ATP6V0D2: variants seen among roughly 807,000 people sequenced by gnomAD.
The protein encoded by ATP6V0D2 is V-type proton ATPase subunit d 2.
In ATP6V0D2, 40 loss-of-function variants were observed where a neutral mutation model predicts 40.0. That is an observed-to-expected ratio of 1.00 (90% CI 0.78 to 1.30). ATP6V0D2 has a LOEUF of 1.30. Ranked by LOEUF, ATP6V0D2 falls within the 50% of genes most tolerant of loss-of-function variation. ATP6V0D2 has a pLI of 0.00. For missense variants in ATP6V0D2, 470 were observed against 423.1 expected, an observed-to-expected ratio of 1.11 and a Z score of -0.97; for synonymous variants, 179 against 156.3, an observed-to-expected ratio of 1.15 and a Z score of -1.08.
intron 2 of ATP6V0D2, among the ~76,000 whole-genome samples, chr8:86,135,928 T>A (rs1357378140): frequency 6.6e-6 from 1 of 152,166 alleles, no homozygotes; most frequent in Non-Finnish European, 1.5e-5. Flanking sequence ...ACAAAGATTA[T>A]AGTCTGGAGA....
chr8:86,150,054 T>A, intron 5 of ATP6V0D2, 58 bp from the exon 6 acceptor site: 1 of 1,477,768 alleles, frequency 6.8e-7, no homozygotes, highest in Non-Finnish European at 9.3e-7. Context: ...CACTTAAGAG[T>A]CTGTTTATAG....
At position 86,113,711 on chromosome 8, in the gene ATP6V0D2, C is replaced by G; in HGVS notation, c.133C>G (p.Leu45Val). 1 of 1,586,620 alleles carries G rather than the reference C, an allele frequency of 6.3e-7. No homozygotes were observed. Among genetic ancestry groups the G allele is most frequent in the Non-Finnish European group, 8.6e-7 (1 of 1,165,130 alleles). The stretch of plus-strand genomic sequence containing the variant: ...ATTGGGGTTTCATTTAATTTCAGAC[C>G]TGAAAATTCATCTCCAGACTACTGA... ...NLVQCETLED[L>V]KIHLQTTDYG... The change falls in exon 2 of 8, where the codon CTG becomes GTG. Residue 45 changes from leucine (L) to valine (V), a missense_variant and splice_region_variant. By Grantham distance (32) the Leu-to-Val change is conservative (BLOSUM62 1). Transcript: ENST00000285393.
At chr8:86,102,077 A>T (rs926422038) in intron 1 of ATP6V0D2, among the ~76,000 whole-genome samples, 1 of 152,228 alleles carries the variant, frequency 6.6e-6, no homozygotes, top group African/African-American at 2.4e-5. Flanking sequence ...TGGAGGATGG[A>T]TAGAGCTATC....
intron 2 of ATP6V0D2, among the ~76,000 whole-genome samples, chr8:86,121,016 C>T (rs1260387798): frequency 6.6e-6 from 1 of 152,130 alleles, no homozygotes; most frequent in Non-Finnish European, 1.5e-5. Flanking sequence ...CTGAGGTGCA[C>T]ATCTGATTTA....
chr8:86,106,597 G>T (rs1182795818), intron 1 of ATP6V0D2, among the ~76,000 whole-genome samples: 1 of 152,128 alleles, frequency 6.6e-6, no homozygotes. Context: ...CTAGACTTTG[G>T]AATTCCTGAA....
chr8:86,136,761 TA>T (rs1255644948), intron 2 of ATP6V0D2, among the ~76,000 whole-genome samples: 1 of 152,108 alleles, frequency 6.6e-6, no homozygotes, highest in Non-Finnish European at 1.5e-5. Context: ...AGGAAGTCTG[TA>T]CCCCATGCAG....
At chr8:86,128,966 C>T (rs1046098195) in intron 2 of ATP6V0D2, among the ~76,000 whole-genome samples, 1 of 152,186 alleles carries the variant, frequency 6.6e-6, no homozygotes, top group Admixed American at 6.5e-5. Context: ...ATGAAGAAAG[C>T]TCAGGCTTAC....
chr8:86,103,746 T>C (rs1466604762), intron 1 of ATP6V0D2, among the ~76,000 whole-genome samples: 1 of 152,184 alleles, frequency 6.6e-6, no homozygotes, highest in Non-Finnish European at 1.5e-5. Flanking sequence ...TTATACACTT[T>C]GTCCAGGAAT....
intron 5 of ATP6V0D2, among the ~76,000 whole-genome samples, chr8:86,145,464 GCC>G (rs957946825): frequency 5.3e-5 from 8 of 151,996 alleles, no homozygotes; most frequent in Non-Finnish European, 1.0e-4. Flanking sequence ...TTAAAATAAA[GCC>G]TAAATAGTTG....
At position 86,151,497 on chromosome 8, in the gene ATP6V0D2, G is replaced by A; in HGVS notation, c.848G>A (p.Gly283Asp). The A allele has an allele frequency of 1.2e-6, 2 of 1,606,962 alleles. No individual in the cohort carries two copies. The highest frequency in any genetic ancestry group is 1.7e-6 in the Non-Finnish European group (2 of 1,176,972). ...VYKPLFEAVGGSGGKTLEDVF... is the reference protein window; with the variant it reads ...VYKPLFEAVGDSGGKTLEDVF... The stretch of plus-strand genomic sequence containing the variant: ...AAACCTTTATTTGAAGCTGTAGGTG[G>A]CAGTGGGGGAAAGACATTGGAGGAC... The change falls in exon 7 of 8, where the codon GGC becomes GAC. Residue 283 changes from glycine to aspartate, a missense_variant. Coordinates refer to ENST00000285393, the MANE Select transcript of ATP6V0D2 (RefSeq NM_152565.1).
At chr8:86,103,618 G>C (rs561322241) in intron 1 of ATP6V0D2, among the ~76,000 whole-genome samples, 1 of 152,164 alleles carries the variant, frequency 6.6e-6, no homozygotes, top group Admixed American at 6.5e-5. Context: ...AGAAAGTAAA[G>C]ATGAACAAGA....
At chr8:86,115,358 ATTTTTTTTTTTT>A (rs564384965) in intron 2 of ATP6V0D2, among the ~76,000 whole-genome samples, 5 of 73,278 alleles carry the variant, frequency 6.8e-5, no homozygotes, top group African/African-American at 2.8e-4. Flanking sequence ...CGTATCATCC[ATTTTTTTTTTTT>A]TTTTTTTTTT....
chr8:86,105,831 G>C (rs1417927950), intron 1 of ATP6V0D2, among the ~76,000 whole-genome samples: 1 of 151,714 alleles, frequency 6.6e-6, no homozygotes, highest in African/African-American at 2.4e-5. Context: ...AGCTTGGATA[G>C]TCTCGATCTC....
chr8:86,106,674 T>C (rs1171791389), intron 1 of ATP6V0D2, among the ~76,000 whole-genome samples: 1 of 152,228 alleles, frequency 6.6e-6, no homozygotes, highest in Admixed American at 6.5e-5. Context: ...GTTTATTCTG[T>C]TCTTCAGAGA....
intron 2 of ATP6V0D2, among the ~76,000 whole-genome samples, chr8:86,123,437 GA>G (rs1563559677): frequency 6.6e-6 from 1 of 152,148 alleles, no homozygotes; most frequent in Non-Finnish European, 1.5e-5. Context: ...TATATCTTAG[GA>G]AGATGATTTT....
At chr8:86,129,995 A>AAAG (rs894815563) in intron 2 of ATP6V0D2, among the ~76,000 whole-genome samples, 6 of 147,374 alleles carry the variant, frequency 4.1e-5, no homozygotes, top group Non-Finnish European at 6.1e-5. Flanking sequence ...AAAAAAAAAA[A>AAAG]AAAGAAAAGA....
chr8:86,100,527 G>T (rs758706705), intron 1 of ATP6V0D2, among the ~76,000 whole-genome samples: 20 of 152,148 alleles, frequency 1.3e-4, no homozygotes, highest in Non-Finnish European at 2.5e-4. Context: ...CCAGAGTTCA[G>T]ACAGAACCAC....
At chr8:86,112,563 G>T (rs1818539365) in intron 1 of ATP6V0D2, among the ~76,000 whole-genome samples, 1 of 151,954 alleles carries the variant, frequency 6.6e-6, no homozygotes, top group Non-Finnish European at 1.5e-5. Context: ...ACAATACCTG[G>T]TACCTAATAA....
intron 2 of ATP6V0D2, among the ~76,000 whole-genome samples, chr8:86,118,089 T>C (rs796260604): frequency 4.1e-5 from 6 of 145,030 alleles, no homozygotes; most frequent in Middle Eastern, 3.3e-3. Flanking sequence ...TTCTTTCTTT[T>C]TTTTTTTTTT....
Sources: gnomAD v4.1 joint callset for allele counts (sites outside exome capture counted in the v4.1 genomes callset) on GRCh38, gnomAD v4.1.1 for gene constraint, MANE v1.5 for transcripts, NCBI Gene and HGNC (gene_info 2026-07-23, HGNC 2026-07-21) for gene names.